PLAAT3: variants seen among roughly 807,000 people sequenced by gnomAD.
The protein encoded by PLAAT3 is Ca-independent phospholipase A1/2.
A neutral mutation model predicts 16.7 loss-of-function variants in PLAAT3; 21 were observed. That is an observed-to-expected ratio of 1.26 (90% CI 0.89 to 1.81). The LOEUF (loss-of-function observed/expected upper bound fraction) is 1.81, where lower values mean the gene tolerates loss of function less well. Among genes scored for constraint, PLAAT3 ranks in the 40% most tolerant of loss-of-function variants. PLAAT3 has a pLI of 0.00. For missense variants in PLAAT3, 219 were observed against 213.7 expected (o/e 1.02, Z -0.16); for synonymous variants, 76 against 81.7 (o/e 0.93, Z 0.38).
intron 4 of PLAAT3, among the ~76,000 whole-genome samples, chr11:63,582,245 C>T (rs941510786): frequency 6.6e-6 from 1 of 152,002 alleles, no homozygotes; most frequent in African/African-American, 2.4e-5. Context: ...AGCAAAGAAA[C>T]AGAAAACTAA....
Position 63,595,359 on chromosome 11 carries a change from G to A in PLAAT3, c.118+2702C>T, listed in dbSNP as rs112695664. On this transcript the variant is annotated intron_variant, in intron 3 of 4. Transcript: ENST00000415826. ...TCATAGCAGTCAAAACCTGCAATGA[G>A]TCTGATGTCAGAAAAATGGATGCTA... 5.1e-4 allele frequency among the ~76,000 whole-genome samples: 77 copies of A among 151,388 alleles called. No homozygotes were observed. In the Middle Eastern group the frequency reaches 0.014, roughly 27 times the overall value.
intron 2 of PLAAT3, among the ~76,000 whole-genome samples, chr11:63,602,890 C>T (rs1303603573): frequency 6.6e-6 from 1 of 152,064 alleles, no homozygotes; most frequent in Non-Finnish European, 1.5e-5. Context: ...GTCAGGAGTT[C>T]GAGATCAGCC....
At chr11:63,614,785 G>A (rs1033854414), upstream of PLAAT3, among the ~76,000 whole-genome samples, 1 of 151,674 alleles carries the variant, frequency 6.6e-6, no homozygotes, top group African/African-American at 2.4e-5. Context: ...GGAGGCCGAG[G>A]CGGGCAGATC....
chr11:63,602,638 G>A (rs1938460424), intron 2 of PLAAT3, among the ~76,000 whole-genome samples: 1 of 151,708 alleles, frequency 6.6e-6, no homozygotes, highest in Non-Finnish European at 1.5e-5. Flanking sequence ...AGTATTTTGT[G>A]ACACATGAAA....
chr11:63,610,977 TG>T (rs948282534), intron 2 of PLAAT3, among the ~76,000 whole-genome samples: 11 of 151,852 alleles, frequency 7.2e-5, no homozygotes, highest in African/African-American at 2.2e-4. Context: ...AGGAGGCTCC[TG>T]GGGGCGGCTA....
chr11:63,580,068 A>G (rs981857247), intron 4 of PLAAT3, among the ~76,000 whole-genome samples: 2 of 152,142 alleles, frequency 1.3e-5, no homozygotes, highest in Admixed American at 6.6e-5. Flanking sequence ...GCTGCTGAAA[A>G]TGGTTCCCCA....
chr11:63,601,997 A>AC (rs60597573), intron 2 of PLAAT3, among the ~76,000 whole-genome samples: 1 of 149,358 alleles, frequency 6.7e-6, no homozygotes, highest in African/African-American at 2.5e-5. Context: ...AAAAAAAAAA[A>AC]CAAAAGGAGG....
intron 4 of PLAAT3, among the ~76,000 whole-genome samples, chr11:63,579,873 A>T (rs576973792): frequency 0.015 from 743 of 48,830 alleles, 1 homozygote; most frequent in Non-Finnish European, 0.018. Context: ...AAAGTATAAT[A>T]AAAAAAAAAA....
chr11:63,602,970 G>C (rs556479425), intron 2 of PLAAT3, among the ~76,000 whole-genome samples: 27 of 152,158 alleles, frequency 1.8e-4, no homozygotes, highest in Non-Finnish European at 3.1e-4. Flanking sequence ...GCAGGCTCCC[G>C]TAGTCCCAGC....
At chr11:63,582,520 C>T (rs564429972) in intron 4 of PLAAT3, among the ~76,000 whole-genome samples, 2 of 152,252 alleles carry the variant, frequency 1.3e-5, no homozygotes, top group African/African-American at 2.4e-5. Flanking sequence ...AAAGAAAACT[C>T]GGCAATGAAA....
At position 63,582,912 on chromosome 11, in the gene PLAAT3, G is replaced by C. The variant is rs535968317; in HGVS notation, c.387+7188C>G. 3.3e-5 allele frequency among the ~76,000 whole-genome samples: 5 copies of C among 152,178 alleles called. No homozygotes were observed. The East Asian group carries it at 5.8e-4, about 18-fold the overall frequency. On this transcript the variant is annotated intron_variant, in intron 4 of 4. Transcript: ENST00000415826. Reference sequence around the variant, plus strand: ...CTTTGGGAGGCCGAGGCAGGCGGATGATGAGGTCAGGAGTTCGAGACCAGC... The same window carrying C: ...CTTTGGGAGGCCGAGGCAGGCGGATCATGAGGTCAGGAGTTCGAGACCAGC...
intron 3 of PLAAT3, among the ~76,000 whole-genome samples, chr11:63,593,407 G>A (rs1287275094): frequency 6.6e-6 from 1 of 152,212 alleles, no homozygotes; most frequent in African/African-American, 2.4e-5. Flanking sequence ...GCAGGGAGGA[G>A]AGAGCTTGGC....
At position 63,589,413 on chromosome 11, in the gene PLAAT3, GA is replaced by G. The variant is rs59025930; in HGVS notation, c.387+686del. On this transcript the variant is annotated intron_variant, in intron 4 of 4. Coordinates refer to ENST00000415826, the MANE Select transcript of PLAAT3 (RefSeq NM_001128203.2). ...CCAATGTTCTTTTCACCTATGCAAAGAAAAAAAAAAAAAAAAAGATGGAAGT... is the reference window on the plus strand; with the variant it reads ...CCAATGTTCTTTTCACCTATGCAAAGAAAAAAAAAAAAAAAAGATGGAAGT... Among the ~76,000 whole-genome samples the G allele has an allele frequency of 2.5e-3, 317 of 124,854 alleles. 2 individuals are homozygous for G. In the East Asian group the frequency reaches 0.027, roughly 11 times the overall value. The allele number at this position is 124,854 out of a possible 152,430, so 81.9% of individuals were successfully genotyped here.
chr11:63,581,256 G>A (rs1199242197), intron 4 of PLAAT3, among the ~76,000 whole-genome samples: 2 of 152,160 alleles, frequency 1.3e-5, no homozygotes, highest in Non-Finnish European at 2.9e-5. Context: ...TGCGGGGTCG[G>A]GCAGAATAGA....
intron 2 of PLAAT3, among the ~76,000 whole-genome samples, chr11:63,610,965 C>T (rs925568184): frequency 3.9e-5 from 6 of 152,050 alleles, no homozygotes; most frequent in African/African-American, 1.4e-4. Flanking sequence ...CTTCGATCCC[C>T]CAGGAGGCTC....
At chr11:63,589,578 A>T (rs1938084965) in intron 4 of PLAAT3, among the ~76,000 whole-genome samples, 1 of 152,220 alleles carries the variant, frequency 6.6e-6, no homozygotes, top group Non-Finnish European at 1.5e-5. Flanking sequence ...CTTAGGGTTC[A>T]GCCAGGCTGA....
chr11:63,600,894 A>G (rs1938410088), intron 2 of PLAAT3, among the ~76,000 whole-genome samples: 1 of 151,854 alleles, frequency 6.6e-6, no homozygotes, highest in African/African-American at 2.4e-5. Context: ...GTGAGCCACC[A>G]CGCCCGGCCT....
At chr11:63,600,583 GTTTTTTTTGT>G (rs1555045459) in intron 2 of PLAAT3, among the ~76,000 whole-genome samples, 2 of 132,624 alleles carry the variant, frequency 1.5e-5, no homozygotes. Context: ...TGGTTTTTTT[GTTTTTTTTGT>G]TTTGTTTTGT....
intron 2 of PLAAT3, among the ~76,000 whole-genome samples, chr11:63,610,194 G>A (rs920606300): frequency 3.9e-5 from 6 of 152,258 alleles, no homozygotes; most frequent in African/African-American, 9.6e-5. Context: ...CTGCCTCACC[G>A]CACTCTCGGC....
Sources: allele counts gnomAD v4.1 joint callset (sites outside exome capture counted in the v4.1 genomes callset), GRCh38; gene constraint gnomAD v4.1.1; transcripts MANE v1.5; gene names NCBI Gene and HGNC (gene_info 2026-07-23, HGNC 2026-07-21).